Variants in TFAP2A observed in about 807,000 individuals in gnomAD.
TFAP2A encodes transcription factor AP-2 alpha, also known as transcription factor AP-2-alpha.
In TFAP2A, 7 loss-of-function variants were observed where a neutral mutation model predicts 41.5. The ratio of observed to expected loss-of-function variants is 0.17; its 90% CI spans 0.10 to 0.32. The LOEUF is 0.32. TFAP2A is among the 10% of genes least tolerant of loss of function. The pLI, the probability that TFAP2A is intolerant of heterozygous loss-of-function variation, is 1.00. For synonymous variants in TFAP2A, 247 were observed against 242.8 expected (o/e 1.02, Z -0.16); for missense variants, 416 against 563.3 (o/e 0.74, Z 2.65).
At chr6:10,411,294 A>C (rs1757956909) in intron 1 of TFAP2A, among the ~76,000 whole-genome samples, 1 of 152,082 alleles carries the variant, frequency 6.6e-6, no homozygotes, top group African/African-American at 2.4e-5. Flanking sequence ...GGAAATCAAG[A>C]TGAACGTGGG....
At chr6:10,411,951 CCT>C (rs1388571290) in intron 1 of TFAP2A, 3 of 1,122,360 alleles carry the variant, frequency 2.7e-6, no homozygotes, top group East Asian at 6.3e-5. Flanking sequence ...CGTGTCTCCC[CCT>C]CTTTTCTTAG....
chr6:10,404,239 C>T (rs936355556), intron 4 of TFAP2A, among the ~76,000 whole-genome samples: 11 of 152,356 alleles, frequency 7.2e-5, no homozygotes, highest in East Asian at 1.9e-4. Flanking sequence ...GAGCGGAGGA[C>T]TCCGCGAGCG....
chr6:10,411,436 G>A, intron 1 of TFAP2A: 1 of 1,449,604 alleles, frequency 6.9e-7, no homozygotes, highest in Non-Finnish European at 9.6e-7. Context: ...AAGGTGGGGT[G>A]GGGGATGCAA....
chr6:10,405,529 T>C (rs1024427812), intron 3 of TFAP2A: 3 of 151,954 alleles, frequency 2.0e-5, no homozygotes, highest in African/African-American at 7.3e-5. Context: ...AAAGTGGGTA[T>C]ATATACTTCC....
chr6:10,404,926 C>T (rs1055609450), intron 3 of TFAP2A, 187 bp from the exon 4 acceptor site: 18 of 621,012 alleles, frequency 2.9e-5, no homozygotes, highest in Non-Finnish European at 4.8e-5. Flanking sequence ...CCTTCCCTAC[C>T]TCACCCGGCG....
At chr6:10,415,379 A>G, upstream of TFAP2A, 1 of 806,808 alleles carries the variant, frequency 1.2e-6, no homozygotes, top group Admixed American at 3.6e-5. Flanking sequence ...GCTCCGACAC[A>G]GGTATAAAGG....
At chr6:10,409,803 A>G in intron 2 of TFAP2A, 98 bp downstream of exon 2, 1 of 1,403,006 alleles carries the variant, frequency 7.1e-7, no homozygotes, top group Non-Finnish European at 9.8e-7. Flanking sequence ...AATACTAGGG[A>G]GAACCCGGGC....
intron 5 of TFAP2A, 166 bp from the exon 6 acceptor site, chr6:10,400,755 T>C (rs761622427): frequency 7.3e-6 from 6 of 826,116 alleles, no homozygotes; most frequent in African/African-American, 1.7e-5. Flanking sequence ...CTGTAGGATC[T>C]GGTGGATGCA....
intron 1 of TFAP2A, chr6:10,411,057 C>A (rs992949542): frequency 2.9e-4 from 44 of 150,746 alleles, no homozygotes; most frequent in Non-Finnish European, 5.9e-4. Context: ...CCCCCCCCCC[C>A]CGCCCCTTCC....
chr6:10,400,035 G>A (rs1265004739), intron 6 of TFAP2A, among the ~76,000 whole-genome samples: 1 of 152,042 alleles, frequency 6.6e-6, no homozygotes, highest in Admixed American at 6.6e-5. Flanking sequence ...TGCACATTTT[G>A]CAGGCCACTG....
upstream of TFAP2A, chr6:10,416,417 T>A (rs1270113819): frequency 1.5e-5 from 2 of 133,950 alleles, no homozygotes; most frequent in Non-Finnish European, 3.1e-5. Context: ...TTTGGGATTT[T>A]TTTTTAAGTA....
Position 10,398,211 on chromosome 6 carries a change from G to C in TFAP2A, c.*206C>G. On this transcript the variant is annotated 3_prime_UTR_variant, in exon 7 of 7. Coordinates refer to ENST00000379613, the MANE Select transcript of TFAP2A (RefSeq NM_001372066.1). The surrounding 1 kb of genome is among the most constrained non-coding windows in gnomAD (Gnocchi z 5.3). ...GGGTGGGGAGGTCGAGGCGGGTGCA[G>C]AGTCGGAGAGGCTGCCCCACTGACA... 1 of 1,466,842 alleles carries C rather than the reference G, an allele frequency of 6.8e-7. No individual in the cohort carries two copies. Among genetic ancestry groups the C allele is most frequent in the Non-Finnish European group, 9.0e-7 (1 of 1,113,076 alleles). 90.9% of individuals were successfully genotyped at this position (1,466,842 alleles called of 1,614,324 possible). A position where few individuals can be genotyped will look rare whatever the true frequency, so the allele number is the denominator to read the frequency against.
chr6:10,405,419 G>A (rs1036924226), intron 3 of TFAP2A: 1 of 152,192 alleles, frequency 6.6e-6, no homozygotes, highest in Non-Finnish European at 1.5e-5. Flanking sequence ...TTTGAACTGC[G>A]GAGTGGGGAG....
intron 1 of TFAP2A, chr6:10,412,483 AAGGGAGGG>A (rs1185857809): frequency 1.0e-5 from 1 of 97,410 alleles, no homozygotes; most frequent in Non-Finnish European, 1.9e-5. Flanking sequence ...GGGAGGGAGG[AAGGGAGGG>A]AGGGAGGGGG....
chr6:10,401,466 A>C (rs1762003646), intron 5 of TFAP2A, among the ~76,000 whole-genome samples: 1 of 152,184 alleles, frequency 6.6e-6, no homozygotes, highest in Admixed American at 6.5e-5. Context: ...TATTACTATC[A>C]ATCTCTGACA....
At chr6:10,411,169 C>T (rs1250717472) in intron 1 of TFAP2A, among the ~76,000 whole-genome samples, 3 of 151,978 alleles carry the variant, frequency 2.0e-5, no homozygotes, top group African/African-American at 7.3e-5. Flanking sequence ...GACCGCGAAC[C>T]CTCGGCGGTT....
intron 1 of TFAP2A, among the ~76,000 whole-genome samples, chr6:10,414,253 G>A (rs527579941): frequency 3.3e-5 from 5 of 152,046 alleles, no homozygotes; most frequent in Non-Finnish European, 5.9e-5. Flanking sequence ...ACACACCCCC[G>A]TGGGGTGCGT....
intron 6 of TFAP2A, among the ~76,000 whole-genome samples, chr6:10,399,733 A>G (rs910426906): frequency 6.6e-6 from 1 of 152,202 alleles, no homozygotes; most frequent in East Asian, 1.9e-4. Flanking sequence ...GGGCTTCCAA[A>G]CAAGCCTTTT....
At position 10,398,468 on chromosome 6, in the gene TFAP2A, G is replaced by A. The variant is rs745981703; in HGVS notation, c.1269C>T (p.His423=). The part of the protein sequence containing the change: ...KMYLSNNPNS[H]TDNNAKSSDK... ...CACTGCTTTTGGCGTTGTTGTCCGT[G>A]TGGCTGTTGGGGTTGTTGCTGAGGT... Residue 423 remains histidine, a synonymous_variant, in exon 7 of 7, where the codon CAC becomes CAT. Coordinates refer to ENST00000379613, the MANE Select transcript of TFAP2A (RefSeq NM_001372066.1). This position sits in a 1 kb window ranked among gnomAD's most constrained non-coding sequence, Gnocchi z 5.3. 1.2e-6 allele frequency: 2 copies of A among 1,614,262 alleles called. No individual in the cohort carries two copies. The highest frequency in any genetic ancestry group is 1.1e-5 in the South Asian group (1 of 91,086).
Sources: allele counts gnomAD v4.1 joint callset (sites outside exome capture counted in the v4.1 genomes callset), GRCh38; gene constraint gnomAD v4.1.1; non-coding constraint Gnocchi (gnomAD v3.1); transcripts MANE v1.5; gene names NCBI Gene and HGNC (gene_info 2026-07-23, HGNC 2026-07-21).